Variants in ASTN1 observed in about 807,000 individuals in gnomAD.
The protein encoded by ASTN1 is astrotactin-1.
A neutral mutation model predicts 140.7 loss-of-function variants in ASTN1; 41 were observed. That is an observed-to-expected ratio of 0.29 (90% CI 0.23 to 0.38). The LOEUF is 0.38. ASTN1 is among the 10% of genes least tolerant of loss of function. The pLI, the probability that ASTN1 is intolerant of heterozygous loss-of-function variation, is 1.00. For missense variants in ASTN1, 1,479 were observed against 1,678.8 expected, an observed-to-expected ratio of 0.88 and a Z score of 2.08; for synonymous variants, 640 against 652.2, an observed-to-expected ratio of 0.98 and a Z score of 0.29.
intron 2 of ASTN1, 41 bp from the exon 3 acceptor site, chr1:177,032,890 A>G (rs761801180): frequency 6.5e-7 from 1 of 1,532,316 alleles, no homozygotes; most frequent in Non-Finnish European, 8.8e-7. Context: ...GAAGATGGGT[A>G]GGCTCTTCCC....
intron 8 of ASTN1, among the ~76,000 whole-genome samples, chr1:177,001,599 C>T (rs1050679372): frequency 6.6e-6 from 1 of 152,152 alleles, no homozygotes; most frequent in Non-Finnish European, 1.5e-5. Flanking sequence ...AATCCAAGTC[C>T]ATCTGATTCC....
At chr1:177,116,898 T>C (rs865941515) in intron 1 of ASTN1, among the ~76,000 whole-genome samples, 40 of 152,280 alleles carry the variant, frequency 2.6e-4, no homozygotes, top group Admixed American at 1.8e-3. Flanking sequence ...TTGTGAACCT[T>C]GCTTTCCACT....
chr1:176,958,317 C>A (rs1672506767), intron 10 of ASTN1, 28 bp downstream of exon 10: 2 of 1,611,962 alleles, frequency 1.2e-6, no homozygotes, highest in South Asian at 2.2e-5. Context: ...AAGCCAATTG[C>A]AGGCCTCAGT....
chr1:176,983,771 G>T (rs1377032364), intron 8 of ASTN1, among the ~76,000 whole-genome samples: 2 of 152,146 alleles, frequency 1.3e-5, no homozygotes, highest in Non-Finnish European at 2.9e-5. Context: ...CCCCTGTACT[G>T]TGCATACCAG....
chr1:177,016,886 C>T (rs543376936), intron 7 of ASTN1, among the ~76,000 whole-genome samples: 2 of 152,328 alleles, frequency 1.3e-5, no homozygotes, highest in South Asian at 4.2e-4. Flanking sequence ...TCCTGGTTGT[C>T]CTTCTGTGGA....
intron 8 of ASTN1, among the ~76,000 whole-genome samples, chr1:177,009,311 C>T (rs1255423098): frequency 3.3e-5 from 5 of 152,180 alleles, no homozygotes; most frequent in Non-Finnish European, 7.3e-5. Context: ...ATCCTCTCCA[C>T]CAGATGTGGT....
intron 1 of ASTN1, among the ~76,000 whole-genome samples, chr1:177,107,697 T>A (rs1231080955): frequency 6.6e-6 from 1 of 152,188 alleles, no homozygotes; most frequent in Non-Finnish European, 1.5e-5. Flanking sequence ...GCCTCCTTCT[T>A]CACCTCTTAG....
At chr1:176,967,119 T>C (rs1177912032) in intron 8 of ASTN1, among the ~76,000 whole-genome samples, 1 of 152,178 alleles carries the variant, frequency 6.6e-6, no homozygotes, top group East Asian at 1.9e-4. Context: ...TATTTAAGCT[T>C]ACTATTCATA....
downstream of ASTN1, among the ~76,000 whole-genome samples, chr1:176,857,943 T>C (rs1004888993): frequency 3.3e-5 from 5 of 152,186 alleles, no homozygotes; most frequent in African/African-American, 9.6e-5. Context: ...GCCTGACTCA[T>C]TGGACACCAA....
intron 1 of ASTN1, among the ~76,000 whole-genome samples, chr1:177,155,726 C>T (rs377367401): frequency 2.3e-4 from 35 of 152,110 alleles, no homozygotes; most frequent in Admixed American, 5.2e-4. Flanking sequence ...TAGATGAGAG[C>T]TAATGTTAAT....
intron 16 of ASTN1, among the ~76,000 whole-genome samples, chr1:176,921,713 T>C (rs1670730788): frequency 6.6e-6 from 1 of 152,084 alleles, no homozygotes; most frequent in African/African-American, 2.4e-5. Context: ...AATGCCAAAT[T>C]CCCAGACATC....
intron 8 of ASTN1, among the ~76,000 whole-genome samples, chr1:176,991,786 T>C (rs1022036303): frequency 2.0e-5 from 3 of 152,220 alleles, no homozygotes; most frequent in African/African-American, 7.2e-5. Flanking sequence ...CATTTAACCA[T>C]GTAGTCATTC....
rs535968609 is a variant in ASTN1, at chr1:177,047,373, C to T, written c.471+13705G>A. On this transcript the variant is annotated intron_variant, in intron 2 of 22. Transcript: ENST00000361833. ...GTCCACAAAATATGACAGGGAGGTC[C>T]AGAAAATATGACTGATTGTCAGGGT... Among the ~76,000 whole-genome samples the T allele has an allele frequency of 9.9e-5, 15 of 151,342 alleles. No homozygotes were observed. The South Asian group carries it at 3.1e-3, about 31-fold the overall frequency.
chr1:177,123,876 C>T (rs923063666), intron 1 of ASTN1, among the ~76,000 whole-genome samples: 12 of 152,232 alleles, frequency 7.9e-5, no homozygotes, highest in Admixed American at 2.6e-4. Flanking sequence ...ATTCAGTGGC[C>T]GATTAGCAAA....
chr1:177,157,291 CTTTTTGTTGTTG>C (rs1683280065), intron 1 of ASTN1, among the ~76,000 whole-genome samples: 1 of 151,518 alleles, frequency 6.6e-6, no homozygotes, highest in Admixed American at 6.7e-5. Context: ...TAAAACTGTT[CTTTTTGTTGTTG>C]TTGTTGTTGT....
chr1:177,161,437 TGTGA>T lies in ASTN1; in HGVS notation c.283+2953_283+2956del, dbSNP rs1412838118. ...TAATCTACCTTTAATTTTGCACGTTTGTGAGTGTTTTCTGTTTTAATCCATGCAA... is the reference window on the plus strand; with the variant it reads ...TAATCTACCTTTAATTTTGCACGTTTGTGTTTTCTGTTTTAATCCATGCAA... On this transcript the variant is annotated intron_variant, in intron 1 of 22. Coordinates refer to ENST00000361833, the MANE Select transcript of ASTN1 (RefSeq NM_004319.3). Among the ~76,000 whole-genome samples the T allele has an allele frequency of 5.9e-5, 9 of 152,346 alleles. No individual in the cohort carries two copies. In the South Asian group the frequency reaches 8.3e-4, roughly 14 times the overall value.
intron 2 of ASTN1, among the ~76,000 whole-genome samples, chr1:177,046,897 T>A (rs908820431): frequency 1.3e-5 from 2 of 152,172 alleles, no homozygotes; most frequent in Admixed American, 6.5e-5. Context: ...ACTGATCACC[T>A]GCTCCCCATC....
At chr1:176,909,470 T>C (rs1230964464) in intron 16 of ASTN1, among the ~76,000 whole-genome samples, 2 of 152,198 alleles carry the variant, frequency 1.3e-5, no homozygotes, top group Admixed American at 6.5e-5. Flanking sequence ...CTTTAATTTA[T>C]ATTAAGGGGA....
chr1:176,939,125 G>A (rs7522753), intron 14 of ASTN1, among the ~76,000 whole-genome samples: 8,205 of 150,532 alleles, frequency 0.055, 710 homozygotes, highest in African/African-American at 0.19. Context: ...AAAAAAAAAA[G>A]AAAGTTCTTT....
Sources: allele counts gnomAD v4.1 joint callset (sites outside exome capture counted in the v4.1 genomes callset), GRCh38; gene constraint gnomAD v4.1.1; transcripts MANE v1.5; gene names NCBI Gene and HGNC (gene_info 2026-07-23, HGNC 2026-07-21).